The following DMD variants were observed in gnomAD, a reference collection of about 807,000 sequenced individuals.
The protein encoded by DMD is dystrophin, also known as mutant dystrophin.
A neutral mutation model predicts 330.1 loss-of-function variants in DMD; 63 were observed. The ratio of observed to expected loss-of-function variants is 0.19; its 90% CI spans 0.16 to 0.24. The LOEUF (loss-of-function observed/expected upper bound fraction) is 0.24. Among genes scored for constraint, DMD ranks in the 10% least tolerant of loss-of-function variants. The pLI is 1.00. For missense variants in DMD, 3,344 were observed against 2,684.1 expected (o/e 1.25, Z -5.43); for synonymous variants, 1,223 against 959.8 (o/e 1.27, Z -5.07).
At chrX:32,696,869 T>A (rs1165608996) in intron 9 of DMD, among the ~76,000 whole-genome samples, 1 of 111,111 alleles carries the variant, frequency 9.0e-6, no homozygotes, top group African/African-American at 3.3e-5. Flanking sequence ...GCAAGTAAAC[T>A]AGCCAAGGAT....
At chrX:32,885,143 A>T (rs1166314173) in intron 2 of DMD, among the ~76,000 whole-genome samples, 1 of 111,923 alleles carries the variant, frequency 8.9e-6, no homozygotes, top group Non-Finnish European at 1.9e-5. Flanking sequence ...GCCCATAAAG[A>T]CAATATTTCC....
rs768833035 is a variant in DMD at position 32,470,603 on chromosome X, C to G, written c.2949+1561G>C. 6.3e-5 allele frequency among the ~76,000 whole-genome samples: 7 copies of G among 110,648 alleles called. No individual in the cohort carries two copies. In the South Asian group the frequency reaches 2.3e-3, roughly 36 times the overall value. On this transcript the variant is annotated intron_variant, in intron 22 of 78. Transcript: ENST00000357033. ...ACTCTTATTCTTGCACATTTTTATT[C>G]TTATGTTTAAAAGTTTACTAGTTCT...
At chrX:31,973,390 A>T (rs923129758) in intron 44 of DMD, among the ~76,000 whole-genome samples, 2 of 111,232 alleles carry the variant, frequency 1.8e-5, no homozygotes, top group African/African-American at 6.5e-5. Flanking sequence ...TTTTTTGAGT[A>T]AAGAAAGAAT....
intron 7 of DMD, chrX:32,756,439 C>G (rs1456039945): frequency 9.0e-6 from 1 of 111,518 alleles, no homozygotes; most frequent in Non-Finnish European, 1.9e-5. Context: ...ACAATAAAAT[C>G]GCTAAAAACC....
chrX:32,665,678 C>T (rs1307914566), intron 9 of DMD, among the ~76,000 whole-genome samples: 1 of 111,644 alleles, frequency 9.0e-6, no homozygotes, highest in Non-Finnish European at 1.9e-5. Context: ...CATAAGAACA[C>T]GTCCAAGAAG....
At chrX:33,263,869 C>T (rs768226932) in intron 1 of DMD, among the ~76,000 whole-genome samples, 2 of 110,916 alleles carry the variant, frequency 1.8e-5, no homozygotes, top group Non-Finnish European at 3.8e-5. Context: ...TCATAAAGTA[C>T]TTATATTTTA....
intron 44 of DMD, among the ~76,000 whole-genome samples, chrX:32,100,720 C>A (rs2096536081): frequency 9.0e-6 from 1 of 111,214 alleles, no homozygotes; most frequent in African/African-American, 3.3e-5. Context: ...AAAGGCTTAG[C>A]TTTCTGTTTT....
intron 74 of DMD, among the ~76,000 whole-genome samples, chrX:31,157,415 C>T (rs963285282): frequency 3.6e-5 from 4 of 111,756 alleles, no homozygotes; most frequent in South Asian, 3.8e-4. Context: ...ACTAACAAAA[C>T]CTAAGACAAA....
chrX:32,445,384 T>C (rs1478755064), intron 27 of DMD, among the ~76,000 whole-genome samples: 1 of 110,662 alleles, frequency 9.0e-6, no homozygotes, highest in African/African-American at 3.3e-5. Flanking sequence ...TTTTCCCTCT[T>C]CACCCTCCCT....
chrX:32,666,269 T>G lies in DMD; in HGVS notation c.961-21117A>C, dbSNP rs918099794. 1.5e-4 allele frequency among the ~76,000 whole-genome samples: 17 copies of G among 110,756 alleles called. 2 individuals are homozygous for G. Among genetic ancestry groups the G allele is most frequent in the East Asian group, 2.9e-4 (1 of 3,482 alleles). On this transcript the variant is annotated intron_variant, in intron 9 of 78. Coordinates refer to ENST00000357033, the MANE Select transcript of DMD (RefSeq NM_004006.3). ...GTTTGTTACATAAATATACATGTGC[T>G]ATAGTGGTTTGCTGCACCCATCAAC...
chrX:31,162,356 T>TAAAAAAAAAAAAAAAAAAAAAAAAAAA (rs57908991), intron 74 of DMD, among the ~76,000 whole-genome samples: 18 of 50,613 alleles, frequency 3.6e-4, no homozygotes, highest in African/African-American at 1.2e-3. Flanking sequence ...ATGAAAAATC[T>TAAAAAAAAAAAAAAAAAAAAAAAAAAA]AAAAAAAAAA....
intron 64 of DMD, among the ~76,000 whole-genome samples, chrX:31,212,258 T>C (rs953598428): frequency 9.2e-6 from 1 of 109,016 alleles, no homozygotes; most frequent in African/African-American, 3.3e-5. Context: ...CCAAGTATTC[T>C]AATACATCTT....
At chrX:32,639,058 T>G (rs960205383) in intron 11 of DMD, among the ~76,000 whole-genome samples, 1 of 111,887 alleles carries the variant, frequency 8.9e-6, no homozygotes, top group African/African-American at 3.3e-5. Context: ...ACAACTTCAC[T>G]TGGCCTCCTG....
intron 7 of DMD, among the ~76,000 whole-genome samples, chrX:32,736,957 A>G (rs2068588620): frequency 9.1e-6 from 1 of 110,240 alleles, no homozygotes; most frequent in Admixed American, 9.7e-5. Flanking sequence ...GCAAACCAAA[A>G]TGTTTGTTAA....
chrX:33,221,725 A>G (rs753744980), intron 1 of DMD, among the ~76,000 whole-genome samples: 71 of 111,192 alleles, frequency 6.4e-4, no homozygotes, highest in Non-Finnish European at 1.1e-3. Context: ...AAAAAAAGAC[A>G]GTAAGGGTTT....
At chrX:32,433,600 C>T (rs760025294) in intron 29 of DMD, among the ~76,000 whole-genome samples, 1 of 111,279 alleles carries the variant, frequency 9.0e-6, no homozygotes, top group Admixed American at 9.6e-5. Context: ...ATCGCTTGAA[C>T]CCGGGAGGAG....
rs143518961 is a variant in DMD, at chrX:32,351,155, C to G, written c.5326-2627G>C. ...ATGTTGACTATTATTTTCTCTCAAACTTCTATGTGTCCATCCAATATAAAT... is the reference window on the plus strand; with the variant it reads ...ATGTTGACTATTATTTTCTCTCAAAGTTCTATGTGTCCATCCAATATAAAT... On this transcript the variant is annotated intron_variant, in intron 37 of 78. Transcript: ENST00000357033. Among the ~76,000 whole-genome samples, 440 of 110,892 alleles carry G rather than the reference C, an allele frequency of 4.0e-3. 9 individuals are homozygous for G. The East Asian group carries it at 0.084, about 21-fold the overall frequency.
At chrX:32,362,980 TAGG>T in intron 36 of DMD, 22 bp from the exon 37 acceptor site, 1 of 1,192,711 alleles carries the variant, frequency 8.4e-7, no homozygotes, top group Non-Finnish European at 1.1e-6. Flanking sequence ...GAGCAAGAGA[TAGG>T]ACTTGAAGTT....
intron 48 of DMD, among the ~76,000 whole-genome samples, chrX:31,848,898 C>G (rs2093472705): frequency 9.1e-6 from 1 of 110,039 alleles, no homozygotes; most frequent in Non-Finnish European, 1.9e-5. Flanking sequence ...AAAAAAAAAC[C>G]CTTGAGGGTA....
Sources: allele counts gnomAD v4.1 joint callset (sites outside exome capture counted in the v4.1 genomes callset), GRCh38; gene constraint gnomAD v4.1.1; transcripts MANE v1.5; gene names NCBI Gene and HGNC (gene_info 2026-07-23, HGNC 2026-07-21).